The following DLGAP1 variants were observed in gnomAD, a reference collection of about 807,000 sequenced individuals.
The protein encoded by DLGAP1 is disks large-associated protein 1.
In DLGAP1, 11 loss-of-function variants were observed where a neutral mutation model predicts 90.8. The observed-to-expected ratio is 0.12, with a 90% CI of 0.08 to 0.20. DLGAP1 has a LOEUF of 0.20. Among genes scored for constraint, DLGAP1 ranks in the 10% least tolerant of loss-of-function variants. The pLI is 1.00. For missense variants in DLGAP1, 1,050 were observed against 1,333.8 expected (o/e 0.79, Z 3.31); for synonymous variants, 558 against 540.7 (o/e 1.03, Z -0.44).
At chr18:4,145,308 T>G (rs1052822286) in intron 2 of DLGAP1, among the ~76,000 whole-genome samples, 5 of 152,180 alleles carry the variant, frequency 3.3e-5, no homozygotes. Context: ...CAAATAGCAA[T>G]AGCAGTTTTT....
intron 9 of DLGAP1, among the ~76,000 whole-genome samples, chr18:3,563,009 TAG>T (rs1371663068): frequency 6.6e-6 from 1 of 151,952 alleles, no homozygotes; most frequent in East Asian, 1.9e-4. Flanking sequence ...GTATTTTTTG[TAG>T]AGATGGGATT....
At chr18:4,269,634 G>A (rs370540202) in intron 1 of DLGAP1, among the ~76,000 whole-genome samples, 38 of 151,956 alleles carry the variant, frequency 2.5e-4, no homozygotes, top group East Asian at 1.4e-3. Context: ...CATTACAGGC[G>A]TGAGCCACCG....
At chr18:4,135,904 A>T (rs2076392894) in intron 2 of DLGAP1, among the ~76,000 whole-genome samples, 1 of 150,906 alleles carries the variant, frequency 6.6e-6, no homozygotes, top group African/African-American at 2.4e-5. Flanking sequence ...GTTCTAGGGT[A>T]CATGTGCACA....
intron 4 of DLGAP1, among the ~76,000 whole-genome samples, chr18:3,848,572 C>T (rs1408172464): frequency 6.6e-6 from 1 of 152,114 alleles, no homozygotes; most frequent in Non-Finnish European, 1.5e-5. Flanking sequence ...AACTCTCCCG[C>T]CCCCATCTCC....
In DLGAP1 at chr18:3,628,264, G is replaced by A. The variant is rs141166303; in HGVS notation, c.1592-46016C>T. ...GAGTGCAGTGGTGTGATCTTGGCTC[G>A]CTGTAACCTCTGCCTCCCGGGTTCG... is the stretch of plus-strand genomic sequence containing the variant. On this transcript the variant is annotated intron_variant, in intron 7 of 12. Coordinates refer to ENST00000315677, the MANE Select transcript of DLGAP1 (RefSeq NM_004746.4). Among the ~76,000 whole-genome samples, 1,393 of 148,076 alleles carry A rather than the reference G, an allele frequency of 9.4e-3. 13 individuals carry two copies. The highest frequency in any genetic ancestry group is 0.03 in the African/African-American group (1,197 of 39,906).
At chr18:4,364,880 A>G (rs1014938771) in intron 1 of DLGAP1, among the ~76,000 whole-genome samples, 6 of 152,216 alleles carry the variant, frequency 3.9e-5, no homozygotes, top group Non-Finnish European at 8.8e-5. Context: ...CATTTCGAAG[A>G]ACTTCTTGAT....
chr18:4,146,183 G>T lies in DLGAP1; in HGVS notation c.-159+4997C>A, dbSNP rs931985003. ...TTCTGGTCAGCTTCTAGCTATGTAT[G>T]TTCAGCTCCTACCAGATGCCGGATT... is the stretch of plus-strand genomic sequence containing the variant. On this transcript the variant is annotated intron_variant, in intron 2 of 12. Transcript: ENST00000315677. Among the ~76,000 whole-genome samples the T allele has an allele frequency of 5.3e-5, 8 of 152,286 alleles. No homozygotes were observed. In the East Asian group the frequency reaches 1.5e-3, roughly 29 times the overall value.
chr18:3,533,834 A>T (rs2052166593), intron 10 of DLGAP1, among the ~76,000 whole-genome samples: 1 of 152,174 alleles, frequency 6.6e-6, no homozygotes, highest in Non-Finnish European at 1.5e-5. Flanking sequence ...TTTTGATTAG[A>T]ATTATTTTCA....
chr18:4,275,964 G>C (rs921085778), intron 1 of DLGAP1, among the ~76,000 whole-genome samples: 32 of 151,982 alleles, frequency 2.1e-4, no homozygotes, highest in African/African-American at 6.5e-4. Flanking sequence ...ACTACAAGCA[G>C]GAGTTTACAA....
At chr18:4,195,552 CTATT>C (rs749460280) in intron 1 of DLGAP1, among the ~76,000 whole-genome samples, 70 of 152,072 alleles carry the variant, frequency 4.6e-4, no homozygotes, top group Non-Finnish European at 9.6e-4. Context: ...TACTTTTTAT[CTATT>C]TATTTTTTTT....
intron 5 of DLGAP1, among the ~76,000 whole-genome samples, chr18:3,784,629 C>T (rs377007582): frequency 2.0e-5 from 3 of 152,098 alleles, no homozygotes; most frequent in Non-Finnish European, 2.9e-5. Context: ...TCTGCGCCCG[C>T]GATGCTCCTG....
At chr18:3,514,109 CTT>C (rs11402114) in intron 10 of DLGAP1, among the ~76,000 whole-genome samples, 8 of 145,486 alleles carry the variant, frequency 5.5e-5, no homozygotes, top group Admixed American at 6.8e-5. Flanking sequence ...CTGACTGCTT[CTT>C]TTTTTTTTTT....
At chr18:4,093,596 G>A (rs962733869) in intron 2 of DLGAP1, among the ~76,000 whole-genome samples, 7 of 151,600 alleles carry the variant, frequency 4.6e-5, no homozygotes, top group African/African-American at 1.5e-4. Context: ...AAAAAAAAAG[G>A]TCTTTGATAT....
intron 5 of DLGAP1, among the ~76,000 whole-genome samples, chr18:3,795,874 A>G (rs1022678001): frequency 2.6e-5 from 4 of 152,154 alleles, no homozygotes; most frequent in Non-Finnish European, 5.9e-5. Context: ...AAACCCACAA[A>G]AAAATTTGTT....
At chr18:3,758,340 C>G (rs2063805321) in intron 5 of DLGAP1, among the ~76,000 whole-genome samples, 1 of 152,116 alleles carries the variant, frequency 6.6e-6, no homozygotes, top group Non-Finnish European at 1.5e-5. Context: ...ACTTTAAACT[C>G]TTGGGATTCA....
rs148195498 is a variant in DLGAP1, at chr18:4,167,168, T to C, written c.-266-15881A>G. 3.7e-3 allele frequency among the ~76,000 whole-genome samples: 559 copies of C among 152,258 alleles called. 3 individuals carry two copies. Among genetic ancestry groups the C allele is most frequent in the African/African-American group, 0.013 (525 of 41,556 alleles). On this transcript the variant is annotated intron_variant, in intron 1 of 12. Coordinates refer to ENST00000315677, the MANE Select transcript of DLGAP1 (RefSeq NM_004746.4). ...GAAATAAACAAAACAAGTAATTAAATGGCCAACTTATATGCCGACATTTCA... is the reference window on the plus strand; with the variant it reads ...GAAATAAACAAAACAAGTAATTAAACGGCCAACTTATATGCCGACATTTCA...
chr18:4,185,854 T>A (rs892592154), intron 1 of DLGAP1, among the ~76,000 whole-genome samples: 8 of 152,176 alleles, frequency 5.3e-5, no homozygotes, highest in Admixed American at 5.2e-4. Flanking sequence ...CTTTAAGGAA[T>A]CATCACACTG....
At chr18:3,702,655 C>T (rs575388014) in intron 7 of DLGAP1, among the ~76,000 whole-genome samples, 1 of 152,198 alleles carries the variant, frequency 6.6e-6, no homozygotes, top group Non-Finnish European at 1.5e-5. Flanking sequence ...AACAAGGTAG[C>T]TGGCATCTTA....
intron 2 of DLGAP1, among the ~76,000 whole-genome samples, chr18:4,024,254 A>C (rs1223028924): frequency 6.6e-6 from 1 of 152,208 alleles, no homozygotes; most frequent in Non-Finnish European, 1.5e-5. Flanking sequence ...TTAGCATCAG[A>C]AAGATTCTCA....
Sources: allele counts gnomAD v4.1 joint callset (sites outside exome capture counted in the v4.1 genomes callset), GRCh38; gene constraint gnomAD v4.1.1; transcripts MANE v1.5; gene names NCBI Gene and HGNC (gene_info 2026-07-23, HGNC 2026-07-21).